PRKACB: variants seen among roughly 807,000 people sequenced by gnomAD.
PRKACB encodes the protein cAMP-dependent protein kinase catalytic subunit beta.
In PRKACB, 16 loss-of-function variants were observed where a neutral mutation model predicts 51.4. The ratio of observed to expected loss-of-function variants is 0.31; its 90% confidence interval spans 0.21 to 0.47. The LOEUF (loss-of-function observed/expected upper bound fraction) is 0.47. Ranked by LOEUF, PRKACB falls within the 20% of genes least tolerant of loss-of-function variation. The pLI is 1.00. For synonymous variants in PRKACB, 147 were observed against 154.4 expected, an observed-to-expected ratio of 0.95 and a Z score of 0.35; for missense variants, 309 against 464.5, an observed-to-expected ratio of 0.67 and a Z score of 3.08.
At chr1:84,176,426 A>T (rs1661278341) in intron 1 of PRKACB, among the ~76,000 whole-genome samples, 1 of 151,848 alleles carries the variant, frequency 6.6e-6, no homozygotes, top group South Asian at 2.1e-4. Context: ...TAGATTGCTT[A>T]TTGTTTTAGG....
At chr1:84,117,001 A>G (rs1650688085) in intron 1 of PRKACB, among the ~76,000 whole-genome samples, 1 of 150,526 alleles carries the variant, frequency 6.6e-6, no homozygotes, top group South Asian at 2.1e-4. Context: ...TTTTATGCCT[A>G]GTTTGTTGAG....
At chr1:84,144,583 A>G (rs764959788) in intron 1 of PRKACB, 35 bp downstream of exon 1, 7 of 1,518,018 alleles carry the variant, frequency 4.6e-6, no homozygotes, top group Non-Finnish European at 6.2e-6. Context: ...CATTATAACT[A>G]GCAACTAAAA....
intron 1 of PRKACB, among the ~76,000 whole-genome samples, chr1:84,124,360 A>C (rs534353894): frequency 6.6e-6 from 1 of 152,200 alleles, no homozygotes; most frequent in Non-Finnish European, 1.5e-5. Flanking sequence ...ATTTTTGACT[A>C]CTGGTTTACC....
chr1:84,087,038 A>G (rs1363785248), intron 1 of PRKACB, among the ~76,000 whole-genome samples: 1 of 152,264 alleles, frequency 6.6e-6, no homozygotes, highest in Non-Finnish European at 1.5e-5. Flanking sequence ...CAAGTAAAGG[A>G]GCCATCAAAA....
At chr1:84,194,160 G>C (rs1376756330) in intron 5 of PRKACB, among the ~76,000 whole-genome samples, 1 of 152,038 alleles carries the variant, frequency 6.6e-6, no homozygotes, top group African/African-American at 2.4e-5. Context: ...TTGCCTTATG[G>C]TTATTTAAAG....
chr1:84,167,317 A>G (rs1657828938), intron 1 of PRKACB, among the ~76,000 whole-genome samples: 1 of 151,670 alleles, frequency 6.6e-6, no homozygotes, highest in African/African-American at 2.4e-5. Flanking sequence ...ACTCCTTATT[A>G]GGTCACATGC....
chr1:84,089,765 A>G (rs1401508408), intron 1 of PRKACB, among the ~76,000 whole-genome samples: 1 of 152,168 alleles, frequency 6.6e-6, no homozygotes, highest in African/African-American at 2.4e-5. Context: ...TAACTGCTCA[A>G]GAATCACCAA....
intron 1 of PRKACB, among the ~76,000 whole-genome samples, chr1:84,125,053 G>A (rs1029051453): frequency 1.2e-4 from 17 of 143,608 alleles, no homozygotes; most frequent in African/African-American, 3.9e-4. Flanking sequence ...GGCTTAAATA[G>A]TGGCTTAAAA....
At chr1:84,216,903 T>G (rs1362308685) in intron 9 of PRKACB, among the ~76,000 whole-genome samples, 1 of 152,220 alleles carries the variant, frequency 6.6e-6, no homozygotes, top group African/African-American at 2.4e-5. Flanking sequence ...AAACAATAAA[T>G]TGTTTCACAA....
chr1:84,108,189 T>TG (rs1649936506), intron 1 of PRKACB, among the ~76,000 whole-genome samples: 1 of 152,116 alleles, frequency 6.6e-6, no homozygotes, highest in African/African-American at 2.4e-5. Context: ...TGGGTGGAAC[T>TG]GGAGGCCATT....
At position 84,236,353 on chromosome 1, in the gene PRKACB, G is replaced by T. The variant is rs149885023; in HGVS notation, c.*1048G>T. On this transcript the variant is annotated 3_prime_UTR_variant, in exon 10 of 10. Coordinates refer to ENST00000370685, the MANE Select transcript of PRKACB (RefSeq NM_182948.4). Reference sequence around the variant, plus strand: ...TAGAGGTATTCATATTTAAATGAGGGTTTACATTTGTTTTGTTTTGTAACC... The same window carrying T: ...TAGAGGTATTCATATTTAAATGAGGTTTTACATTTGTTTTGTTTTGTAACC... The T allele has an allele frequency of 3.0e-3, 460 of 152,512 alleles. 4 individuals carry two copies. The highest frequency in any genetic ancestry group is 5.0e-3 in the Non-Finnish European group (339 of 67,970). 9.4% of individuals were successfully genotyped at this position (152,512 alleles called of 1,614,324 possible).
rs966478461 is a variant in PRKACB at position 84,237,634 on chromosome 1, A to G, written c.*2329A>G. 1.3e-5 allele frequency: 2 copies of G among 152,188 alleles called. No homozygotes were observed. The highest frequency in any genetic ancestry group is 2.9e-5 in the Non-Finnish European group (2 of 67,988). The allele number at this position is 152,188 out of a possible 1,614,324, so 9.4% of individuals were successfully genotyped here. A position where few individuals can be genotyped will look rare whatever the true frequency, so the allele number is the denominator to read the frequency against. The stretch of plus-strand genomic sequence containing the variant: ...AAGTACACTAAATTAGAATATTTTT[A>G]AAGTATGTAACATTCCCAGTTTCAG... On this transcript the variant is annotated 3_prime_UTR_variant, in exon 10 of 10. Coordinates refer to ENST00000370685, the MANE Select transcript of PRKACB (RefSeq NM_182948.4).
At chr1:84,093,383 A>G (rs917556231) in intron 1 of PRKACB, among the ~76,000 whole-genome samples, 4 of 152,032 alleles carry the variant, frequency 2.6e-5, no homozygotes, top group African/African-American at 9.7e-5. Context: ...AAGGAAAAAG[A>G]AATTGTCCCT....
At chr1:84,198,349 T>G (rs1367251422) in intron 7 of PRKACB, among the ~76,000 whole-genome samples, 1 of 152,118 alleles carries the variant, frequency 6.6e-6, no homozygotes, top group Non-Finnish European at 1.5e-5. Context: ...AAACTGTACC[T>G]ATATCCAAAA....
intron 7 of PRKACB, among the ~76,000 whole-genome samples, chr1:84,200,036 A>G (rs1240467875): frequency 2.0e-5 from 3 of 151,852 alleles, no homozygotes; most frequent in African/African-American, 2.4e-5. Context: ...TAGTAGAGAC[A>G]GGGTTTCACC....
At chr1:84,095,547 T>C (rs867611833) in intron 1 of PRKACB, among the ~76,000 whole-genome samples, 6 of 151,928 alleles carry the variant, frequency 3.9e-5, no homozygotes, top group Non-Finnish European at 8.8e-5. Context: ...TATCTTTTTT[T>C]TTCTTTGGTT....
chr1:84,144,092 A>G (rs1230650588), upstream of PRKACB, among the ~76,000 whole-genome samples: 1 of 152,178 alleles, frequency 6.6e-6, no homozygotes, highest in African/African-American at 2.4e-5. Flanking sequence ...ATTAGCCTAT[A>G]TATTAATATT....
chr1:84,235,350 C>T lies in PRKACB; in HGVS notation c.*45C>T. The stretch of plus-strand genomic sequence containing the variant: ...TGAGCTCACACTCAGTGTTTGCACT[C>T]TGTTGAGAGATAAGGTAGAGCTGAG... On this transcript the variant is annotated 3_prime_UTR_variant, in exon 10 of 10. Transcript: ENST00000370685. 6.2e-7 allele frequency: 1 copy of T among 1,610,994 alleles called. No homozygotes were observed. The highest frequency in any genetic ancestry group is 8.5e-7 in the Non-Finnish European group (1 of 1,178,484).
At chr1:84,165,324 G>A (rs1657050066) in intron 1 of PRKACB, among the ~76,000 whole-genome samples, 1 of 151,652 alleles carries the variant, frequency 6.6e-6, no homozygotes, top group African/African-American at 2.4e-5. Flanking sequence ...CCATAAGAGA[G>A]GATTTTCTTT....
Sources: allele counts gnomAD v4.1 joint callset (sites outside exome capture counted in the v4.1 genomes callset), GRCh38; gene constraint gnomAD v4.1.1; transcripts MANE v1.5; gene names NCBI Gene and HGNC (gene_info 2026-07-23, HGNC 2026-07-21).